Variants in KCNC2 observed in about 807,000 individuals in gnomAD.
KCNC2 encodes voltage-gated potassium channel KCNC2.
In KCNC2, 21 loss-of-function variants were observed where a neutral mutation model predicts 44.5. The ratio of observed to expected loss-of-function variants is 0.47; its 90% CI spans 0.33 to 0.68. The LOEUF (loss-of-function observed/expected upper bound fraction) is 0.68, where lower values mean the gene tolerates loss of function less well. KCNC2 is among the 30% of genes least tolerant of loss of function. The pLI, the probability that KCNC2 is intolerant of heterozygous loss-of-function variation, is 0.01. For missense variants in KCNC2, 589 were observed against 826.2 expected (o/e 0.71, Z 3.52); for synonymous variants, 391 against 339.1 (o/e 1.15, Z -1.68).
intron 2 of KCNC2, among the ~76,000 whole-genome samples, chr12:75,059,175 A>G (rs975313973): frequency 1.7e-4 from 26 of 152,144 alleles, no homozygotes; most frequent in African/African-American, 4.8e-4. Context: ...TTTAAAATCT[A>G]TAAGAGATTG....
intron 2 of KCNC2, among the ~76,000 whole-genome samples, chr12:75,159,034 C>T (rs1348957987): frequency 1.3e-5 from 2 of 150,008 alleles, no homozygotes; most frequent in African/African-American, 2.5e-5. Flanking sequence ...CTGAGAACAC[C>T]GCATGTTCTC....
At chr12:75,071,929 C>T (rs1274264187) in intron 2 of KCNC2, among the ~76,000 whole-genome samples, 7 of 80,566 alleles carry the variant, frequency 8.7e-5, no homozygotes, top group Admixed American at 6.5e-4. Context: ...CAGAGCGAGA[C>T]TCCTTCTCAA....
rs1306167802 is a variant in KCNC2 at position 75,054,832 on chromosome 12, C to G, written c.688-3515G>C. Among the ~76,000 whole-genome samples, 2 of 152,170 alleles carry G rather than the reference C, an allele frequency of 1.3e-5. 1 individual carries two copies. The highest frequency in any genetic ancestry group is 2.9e-5 in the Non-Finnish European group (2 of 68,026). ...TTTGTTAGCAATTTACTTCAAGTATCAAATGAATGGGTGACCCAGTGGCTT... is the reference window on the plus strand; with the variant it reads ...TTTGTTAGCAATTTACTTCAAGTATGAAATGAATGGGTGACCCAGTGGCTT... On this transcript the variant is annotated intron_variant, in intron 2 of 4. Transcript: ENST00000549446.
In KCNC2 at chr12:75,051,294, G is replaced by A; in HGVS notation, c.711C>T (p.Phe237=). 2 of 1,587,746 alleles carry A rather than the reference G, an allele frequency of 1.3e-6. No homozygotes were observed. Among genetic ancestry groups the A allele is most frequent in the Non-Finnish European group, 1.7e-6 (2 of 1,161,808 alleles). The change falls in exon 3 of 5, where the codon TTC becomes TTT. Residue 237 remains phenylalanine, a synonymous_variant. Transcript: ENST00000549446. Reference sequence around the variant, plus strand: ...AAGTTGTAATTGAAACCAGGATGAAGAATAAAGAAGCAAAAGCAATAAACT... The same window carrying A: ...AAGTTGTAATTGAAACCAGGATGAAAAATAAAGAAGCAAAAGCAATAAACT... ...AARFIAFASL[F]FILVSITTFC...
chr12:75,042,704 G>C lies in KCNC2; in HGVS notation c.*401C>G. On this transcript the variant is annotated 3_prime_UTR_variant, in exon 5 of 5. Coordinates refer to ENST00000549446, the MANE Select transcript of KCNC2 (RefSeq NM_139137.4). ...AGTCATGTCGTGTGCAATCAAGATAGGATCCCAGACATCTTCAGAATGGTT... is the reference window on the plus strand; with the variant it reads ...AGTCATGTCGTGTGCAATCAAGATACGATCCCAGACATCTTCAGAATGGTT... 4.3e-6 allele frequency: 5 copies of C among 1,176,236 alleles called. No individual in the cohort carries two copies. In the South Asian group the frequency reaches 7.9e-5, roughly 19 times the overall value. 72.9% of individuals were successfully genotyped at this position (1,176,236 alleles called of 1,614,324 possible).
At chr12:75,128,799 C>G (rs1453681302) in intron 2 of KCNC2, among the ~76,000 whole-genome samples, 1 of 152,110 alleles carries the variant, frequency 6.6e-6, no homozygotes, top group Non-Finnish European at 1.5e-5. Flanking sequence ...GTGGTGAGCC[C>G]CATTGTCTCT....
intron 2 of KCNC2, among the ~76,000 whole-genome samples, chr12:75,099,487 A>T (rs1268059499): frequency 6.6e-6 from 1 of 152,170 alleles, no homozygotes; most frequent in Admixed American, 6.6e-5. Flanking sequence ...AAAATGGTAG[A>T]CATGTCTTTG....
intron 2 of KCNC2, among the ~76,000 whole-genome samples, chr12:75,154,662 A>T (rs1011927278): frequency 6.6e-6 from 1 of 152,084 alleles, no homozygotes; most frequent in Non-Finnish European, 1.5e-5. Flanking sequence ...CTGACTGGCA[A>T]TGAAGTGTTT....
chr12:75,172,506 T>C (rs1593022994), intron 2 of KCNC2, among the ~76,000 whole-genome samples: 1 of 151,392 alleles, frequency 6.6e-6, no homozygotes, highest in Non-Finnish European at 1.5e-5. Flanking sequence ...AAAAAAAAAG[T>C]ACATCCACCT....
rs557386422 is a variant in KCNC2 at position 75,191,801 on chromosome 12, G to A, written c.687+15496C>T. ...CCTGACCTCATGATCCACCCGCCTC[G>A]GCCTCCCAAAGTGCTGGGATTACAG... On this transcript the variant is annotated intron_variant, in intron 2 of 4. Coordinates refer to ENST00000549446, the MANE Select transcript of KCNC2 (RefSeq NM_139137.4). Among the ~76,000 whole-genome samples, 711 of 140,132 alleles carry A rather than the reference G, an allele frequency of 5.1e-3. 3 individuals are homozygous for A. Among genetic ancestry groups the A allele is most frequent in the African/African-American group, 0.015 (605 of 39,898 alleles). 91.9% of individuals were successfully genotyped at this position (140,132 alleles called of 152,430 possible). A position where few individuals can be genotyped will look rare whatever the true frequency, so the allele number is the denominator to read the frequency against.
At chr12:75,152,645 T>C (rs1342022807) in intron 2 of KCNC2, among the ~76,000 whole-genome samples, 1 of 152,018 alleles carries the variant, frequency 6.6e-6, no homozygotes, top group Non-Finnish European at 1.5e-5. Flanking sequence ...ATTAATCGTA[T>C]AACTTACCAG....
intron 2 of KCNC2, among the ~76,000 whole-genome samples, chr12:75,116,004 G>C (rs563464175): frequency 1.0e-3 from 157 of 152,242 alleles, no homozygotes; most frequent in African/African-American, 3.2e-3. Context: ...CTGGAACAGT[G>C]CCGAATAAAT....
Position 75,050,425 on chromosome 12 carries a change from C to A in KCNC2, c.1580G>T (p.Gly527Val). 4 of 1,612,840 alleles carry A rather than the reference C, an allele frequency of 2.5e-6. No homozygotes were observed. Among genetic ancestry groups the A allele is most frequent in the Non-Finnish European group, 3.4e-6 (4 of 1,179,336 alleles). ...CNSTQSDTCL[G>V]KDNRLLEHNR... ...ATGTTCCAGAAGTCGATTGTCTTTG[C>A]CCAGACATGTGTCACTCTGTGTACT... Residue 527 changes from glycine to valine, a missense_variant, in exon 3 of 5, where the codon GGC becomes GTC. Transcript: ENST00000549446.
intron 2 of KCNC2, among the ~76,000 whole-genome samples, chr12:75,056,663 TA>T (rs940383337): frequency 1.3e-5 from 2 of 151,912 alleles, no homozygotes; most frequent in African/African-American, 4.8e-5. Flanking sequence ...AAATTTACTG[TA>T]AAAAAATTTA....
intron 2 of KCNC2, among the ~76,000 whole-genome samples, chr12:75,126,415 G>A (rs1243569246): frequency 1.3e-5 from 2 of 152,156 alleles, no homozygotes; most frequent in Non-Finnish European, 1.5e-5. Context: ...TGTACAAGGT[G>A]CTAAGAATAC....
At chr12:75,080,027 G>A (rs1427174579) in intron 2 of KCNC2, among the ~76,000 whole-genome samples, 6 of 152,092 alleles carry the variant, frequency 3.9e-5, no homozygotes, top group Non-Finnish European at 8.8e-5. Context: ...CTCTATGATT[G>A]TTCTGGTCTT....
intron 2 of KCNC2, among the ~76,000 whole-genome samples, chr12:75,153,704 A>G (rs1012188636): frequency 1.3e-5 from 2 of 151,966 alleles, no homozygotes; most frequent in Non-Finnish European, 2.9e-5. Context: ...GATAACAATT[A>G]ACACATATTT....
At chr12:75,043,864 T>C in intron 4 of KCNC2, 1 of 1,104,968 alleles carries the variant, frequency 9.1e-7, no homozygotes, top group Non-Finnish European at 1.3e-6. Flanking sequence ...GAAATATAAA[T>C]TAAGTCATAA....
At chr12:75,099,685 C>T (rs1886219646) in intron 2 of KCNC2, among the ~76,000 whole-genome samples, 1 of 152,144 alleles carries the variant, frequency 6.6e-6, no homozygotes, top group Non-Finnish European at 1.5e-5. Context: ...TGCTCAAATA[C>T]AAGATTTCTA....
Sources: allele counts gnomAD v4.1 joint callset (sites outside exome capture counted in the v4.1 genomes callset), GRCh38; gene constraint gnomAD v4.1.1; transcripts MANE v1.5; gene names NCBI Gene and HGNC (gene_info 2026-07-23, HGNC 2026-07-21).